The following CHN2 variants were observed in gnomAD, a reference collection of about 807,000 sequenced individuals.
The protein encoded by CHN2 is beta-chimaerin.
Under a neutral mutation model 56.3 loss-of-function variants are expected in CHN2, and 35 were observed. The ratio of observed to expected loss-of-function variants is 0.62; its 90% CI spans 0.47 to 0.82. The LOEUF (loss-of-function observed/expected upper bound fraction) is 0.82, where lower values mean the gene tolerates loss of function less well. Among genes scored for constraint, CHN2 ranks in the 40% least tolerant of loss-of-function variants. The pLI is 0.00. For synonymous variants in CHN2, 210 were observed against 212.8 expected, an observed-to-expected ratio of 0.99 and a Z score of 0.12; for missense variants, 491 against 580.5, an observed-to-expected ratio of 0.85 and a Z score of 1.58.
At chr7:29,447,658 G>A (rs528540605) in intron 6 of CHN2, among the ~76,000 whole-genome samples, 1 of 152,298 alleles carries the variant, frequency 6.6e-6, no homozygotes, top group South Asian at 2.1e-4. Context: ...CCAGTGGTAG[G>A]AGGGAGGGGT....
chr7:29,227,629 CA>C (rs1786313967), intron 1 of CHN2, among the ~76,000 whole-genome samples: 1 of 152,172 alleles, frequency 6.6e-6, no homozygotes, highest in African/African-American at 2.4e-5. Context: ...ATTTTGCTGT[CA>C]CCTGCCTGGG....
intron 2 of CHN2, among the ~76,000 whole-genome samples, chr7:29,183,989 T>A (rs62444099): frequency 0.13 from 20,061 of 152,018 alleles, 1,791 homozygotes; most frequent in East Asian, 0.43. Context: ...CTAGACATGA[T>A]TCAAAGTATA....
chr7:29,413,071 C>T (rs1239835576), intron 6 of CHN2, among the ~76,000 whole-genome samples: 2 of 152,176 alleles, frequency 1.3e-5, no homozygotes, highest in Non-Finnish European at 2.9e-5. Flanking sequence ...AAATGTCTGG[C>T]CGGGTCTTAT....
chr7:29,344,912 G>A (rs1797311976), intron 1 of CHN2, among the ~76,000 whole-genome samples: 1 of 152,148 alleles, frequency 6.6e-6, no homozygotes, highest in Admixed American at 6.5e-5. Context: ...TGTTACAGTT[G>A]CCTTGTTATT....
At chr7:29,196,219 T>C (rs965679148) in intron 1 of CHN2, among the ~76,000 whole-genome samples, 1 of 152,220 alleles carries the variant, frequency 6.6e-6, no homozygotes, top group Non-Finnish European at 1.5e-5. Flanking sequence ...AAGGTGCAAT[T>C]GTGATGTGGC....
upstream of CHN2, among the ~76,000 whole-genome samples, chr7:29,189,869 C>G (rs1782670315): frequency 1.3e-5 from 2 of 152,200 alleles, no homozygotes; most frequent in South Asian, 4.1e-4. Context: ...GCAGGAATAC[C>G]TGTGCCTGCG....
chr7:29,264,241 C>A (rs1191630940), intron 1 of CHN2, among the ~76,000 whole-genome samples: 2 of 150,544 alleles, frequency 1.3e-5, no homozygotes, highest in Non-Finnish European at 3.0e-5. Context: ...AGGTGGGGGG[C>A]CCCTCTGCCC....
intron 2 of CHN2, among the ~76,000 whole-genome samples, chr7:29,156,827 G>GC (rs1554349537): frequency 7.6e-4 from 115 of 152,284 alleles, no homozygotes; most frequent in Non-Finnish European, 1.4e-3. Flanking sequence ...AAAACTGACA[G>GC]TGGATTATGC....
At chr7:29,246,581 C>T (rs747705081) in intron 1 of CHN2, among the ~76,000 whole-genome samples, 1 of 152,156 alleles carries the variant, frequency 6.6e-6, no homozygotes, top group Non-Finnish European at 1.5e-5. Context: ...CAAAGGTAAA[C>T]AAGGCACATC....
chr7:29,382,265 G>T (rs747213082), intron 3 of CHN2, among the ~76,000 whole-genome samples: 7 of 152,178 alleles, frequency 4.6e-5, no homozygotes, highest in Non-Finnish European at 8.8e-5. Context: ...CAGAGCATCT[G>T]GGTGGCTTAT....
intron 7 of CHN2, among the ~76,000 whole-genome samples, chr7:29,484,770 T>C (rs1787772643): frequency 1.3e-5 from 2 of 152,166 alleles, no homozygotes; most frequent in Admixed American, 6.5e-5. Context: ...TAATTGACAT[T>C]TTCAGGAACC....
At chr7:29,257,840 T>A (rs1209130923) in intron 1 of CHN2, among the ~76,000 whole-genome samples, 1 of 152,080 alleles carries the variant, frequency 6.6e-6, no homozygotes, top group Admixed American at 6.6e-5. Context: ...CAGGCTGGAG[T>A]GCAGTGGTGT....
chr7:29,201,962 G>A (rs1172415042), intron 1 of CHN2, among the ~76,000 whole-genome samples: 3 of 152,166 alleles, frequency 2.0e-5, no homozygotes, highest in African/African-American at 7.2e-5. Flanking sequence ...GATGATATTG[G>A]GGAGGGTAAT....
chr7:29,241,791 G>A (rs1787701766), intron 1 of CHN2, among the ~76,000 whole-genome samples: 1 of 152,062 alleles, frequency 6.6e-6, no homozygotes, highest in Non-Finnish European at 1.5e-5. Flanking sequence ...ATGGGCTAGT[G>A]GCAAACTAGA....
intron 1 of CHN2, among the ~76,000 whole-genome samples, chr7:29,260,449 G>A (rs2128830496): frequency 6.6e-6 from 1 of 152,250 alleles, no homozygotes; most frequent in Non-Finnish European, 1.5e-5. Flanking sequence ...CTGGAGAGGA[G>A]CATCAGAGGT....
chr7:29,198,976 A>G (rs1423592984), intron 1 of CHN2, among the ~76,000 whole-genome samples: 2 of 152,252 alleles, frequency 1.3e-5, no homozygotes, highest in Admixed American at 6.5e-5. Context: ...ACAGACTTTT[A>G]AAATTAAAAT....
chr7:29,339,737 C>T (rs754771791), intron 1 of CHN2, among the ~76,000 whole-genome samples: 14 of 152,074 alleles, frequency 9.2e-5, no homozygotes, highest in Admixed American at 5.2e-4. Context: ...CCTGCAATCC[C>T]AGCTACTTGG....
chr7:29,221,731 A>G (rs1785810725), intron 1 of CHN2, among the ~76,000 whole-genome samples: 1 of 152,156 alleles, frequency 6.6e-6, no homozygotes, highest in Admixed American at 6.5e-5. Flanking sequence ...CTGTTCCTGC[A>G]TTCGTTTGCT....
chr7:29,212,805 C>A, intron 1 of CHN2: 1 of 1,607,716 alleles, frequency 6.2e-7, no homozygotes, highest in Non-Finnish European at 8.5e-7. Flanking sequence ...ACTCGGAAGG[C>A]CTCAGCACCT....
Sources: allele counts gnomAD v4.1 joint callset (sites outside exome capture counted in the v4.1 genomes callset), GRCh38; gene constraint gnomAD v4.1.1; transcripts MANE v1.5; gene names NCBI Gene and HGNC (gene_info 2026-07-23, HGNC 2026-07-21).